The following TAS1R2 variants were observed in gnomAD, a reference collection of about 807,000 sequenced individuals.
TAS1R2 encodes the protein taste 1 receptor member 2.
Under a neutral mutation model 49.3 loss-of-function variants are expected in TAS1R2, and 47 were observed. The observed-to-expected ratio is 0.95, with a 90% CI of 0.75 to 1.22. The LOEUF (loss-of-function observed/expected upper bound fraction) is 1.22. Ranked by LOEUF, TAS1R2 falls within the 50% of genes most tolerant of loss-of-function variation. The probability of loss-of-function intolerance (pLI) is 0.00; values close to 1 mark genes in which losing one functional copy is unlikely to be tolerated. For missense variants in TAS1R2, 1,155 were observed against 1,122.1 expected (o/e 1.03, Z -0.42); for synonymous variants, 479 against 467.9 (o/e 1.02, Z -0.31).
Position 18,857,581 on chromosome 1 carries a change from G to A in TAS1R2, c.233C>T (p.Ala78Val), listed in dbSNP as rs111534973. The A allele has an allele frequency of 8.4e-5, 136 of 1,614,118 alleles. No individual in the cohort carries two copies. The highest frequency in any genetic ancestry group is 8.4e-4 in the African/African-American group (63 of 75,020). ...GCTGTCATTGTTGATCTCCTCCACC[G>A]CAAAGCGCATGGCCTGCATGAGGTT... is the stretch of plus-strand genomic sequence containing the variant. Residue 78 changes from alanine to valine, a missense_variant, in exon 2 of 6, where the codon GCG (alanine) becomes GTG (valine). Coordinates refer to ENST00000375371, the Ensembl canonical transcript of TAS1R2.
At position 18,849,415 on chromosome 1, in the gene TAS1R2, C is replaced by T. The variant is rs143077243; in HGVS notation, c.1393G>A (p.Val465Ile). 3.4e-5 allele frequency: 55 copies of T among 1,614,098 alleles called. No individual in the cohort carries two copies. Among genetic ancestry groups the T allele is most frequent in the Middle Eastern group, 3.3e-4 (2 of 6,084 alleles). Residue 465 changes from valine to isoleucine, a missense_variant, in exon 4 of 6, where the codon GTC (valine) becomes ATC (isoleucine). Transcript: ENST00000375371. ...CGCTGCAGGGGGTAGTAGGAGGCGA[C>T]GCTCTGGAAGGGATTCTGGCTCCGG...
In TAS1R2 at chr1:18,849,326, G is replaced by C. The variant is rs759805139; in HGVS notation, c.1467+15C>G. On this transcript the variant is annotated intron_variant, in intron 4 of 5. Transcript: ENST00000375371. ...CCGCCCCAGGCCTGCCCACCCACCA[G>C]GCCCCCTGGCTGACCGTGTTGTTGA... is the stretch of plus-strand genomic sequence containing the variant. 1.2e-6 allele frequency: 2 copies of C among 1,613,016 alleles called. No homozygotes were observed. The highest frequency in any genetic ancestry group is 1.7e-6 in the Non-Finnish European group (2 of 1,179,782).
chr1:18,853,198 T>C (rs922165066), intron 3 of TAS1R2, among the ~76,000 whole-genome samples: 7 of 152,208 alleles, frequency 4.6e-5, no homozygotes, highest in East Asian at 3.8e-4. Flanking sequence ...ACCTGTAGAT[T>C]ATCCTCACAG....
At chr1:18,844,512 G>A (rs1483163001) in intron 4 of TAS1R2, among the ~76,000 whole-genome samples, 2 of 152,144 alleles carry the variant, frequency 1.3e-5, no homozygotes, top group Admixed American at 1.3e-4. Flanking sequence ...AGCATTTTTT[G>A]GGAGGCCAAG....
rs1339007880 is a variant in TAS1R2 at position 18,854,275 on chromosome 1, G to T, written c.1195C>A (p.Leu399Met). 2 of 1,614,064 alleles carry T rather than the reference G, an allele frequency of 1.2e-6. No individual in the cohort carries two copies. Among genetic ancestry groups the T allele is most frequent in the African/African-American group, 2.7e-5 (2 of 74,936 alleles). Residue 399 changes from leucine (L) to methionine (M), a missense_variant, in exon 3 of 6, where the codon CTG becomes ATG. Physicochemically the swap from Leu to Met is conservative, Grantham distance 15. Transcript: ENST00000375371. The surrounding 1 kb of genome is among the most constrained non-coding windows in gnomAD (Gnocchi z 4.9). Reference sequence around the variant, plus strand: ...TTGTCACAGCCGAGGAGGCTGTGCAGGGCATGGGCCACAGCATAGACCGCA... The same window carrying T: ...TTGTCACAGCCGAGGAGGCTGTGCATGGCATGGGCCACAGCATAGACCGCA...
chr1:18,849,448 G>A lies in TAS1R2; in HGVS notation c.1360C>T (p.Gln454Ter). The stretch of plus-strand genomic sequence containing the variant: ...AAGGGATTCTGGCTCCGGTCCCATT[G>A]CCACTGGACAATCTCCAAGTGCAGA... Residue 454 changes from glutamine to a stop codon, truncating the protein, a stop_gained, in exon 4 of 6, where the codon CAA becomes TAA. Transcript: ENST00000375371. LOFTEE classifies it high-confidence loss of function. 6.2e-7 allele frequency: 1 copy of A among 1,614,270 alleles called. No homozygotes were observed. Among genetic ancestry groups the A allele is most frequent in the Non-Finnish European group, 8.5e-7 (1 of 1,180,052 alleles).
chr1:18,839,791 G>T, exon 6 of TAS1R2: 1 of 1,614,246 alleles, frequency 6.2e-7, no homozygotes. Flanking sequence ...TGAAGGTGCA[G>T]AGGGAGACGG....
At chr1:18,859,003 G>C (rs72651849) in intron 1 of TAS1R2, among the ~76,000 whole-genome samples, 26,405 of 152,176 alleles carry the variant, frequency 0.17, 2,817 homozygotes, top group Middle Eastern at 0.24. Flanking sequence ...GCCACCCCAA[G>C]GGGCTCAGGG....
intron 4 of TAS1R2, among the ~76,000 whole-genome samples, chr1:18,846,208 T>A (rs1569663345): frequency 6.6e-6 from 1 of 152,294 alleles, no homozygotes; most frequent in Admixed American, 6.5e-5. Context: ...CAGTATGAAA[T>A]GCCCATGGGA....
chr1:18,840,607 G>A, intron 5 of TAS1R2, 80 bp from the exon 6 acceptor site: 2 of 1,496,856 alleles, frequency 1.3e-6, no homozygotes, highest in Non-Finnish European at 1.8e-6. Context: ...ACAGGGCCAG[G>A]CTCCAGGGAT....
At chr1:18,849,445 A>G in exon 4 of TAS1R2, 1 of 1,614,248 alleles carries the variant, frequency 6.2e-7, no homozygotes, top group South Asian at 1.1e-5. Flanking sequence ...CTCCGGTCCC[A>G]TTGCCACTGG....
Position 18,854,438 on chromosome 1 carries a change from C to A in TAS1R2, c.1032G>T (p.Gln344His), listed in dbSNP as rs746402929. 2.5e-6 allele frequency: 4 copies of A among 1,614,158 alleles called. No homozygotes were observed. The South Asian group carries it at 4.4e-5, about 18-fold the overall frequency. Residue 344 changes from glutamine to histidine, a missense_variant, in exon 3 of 6, where the codon CAG (glutamine) becomes CAT (histidine). Coordinates refer to ENST00000375371, the Ensembl canonical transcript of TAS1R2. The surrounding 1 kb of genome is among the most constrained non-coding windows in gnomAD (Gnocchi z 4.9). ...TCCTGCTGAGGGGTGGCGGCCCAGC[C>A]TGTGGGCCCCACTCGCGGAACTCAC...
In TAS1R2 at chr1:18,840,178, A is replaced by T. The variant is rs1350087291; in HGVS notation, c.1941T>A (p.Cys647Ter). The change falls in exon 6 of 6, where the codon TGT (cysteine) becomes TGA (stop). Residue 647 changes from cysteine (C) to a stop codon, truncating the protein, a stop_gained. Transcript: ENST00000375371. LOFTEE classifies it low-confidence loss of function (END_TRUNC). ...CGATCTGGAAAGAACGCACGGCGAT[A>T]CAGGAGATGCAGATTGTGAAGCAGA... The T allele has an allele frequency of 3.7e-6, 6 of 1,614,236 alleles. No individual in the cohort carries two copies. Among genetic ancestry groups the T allele is most frequent in the African/African-American group, 1.3e-5 (1 of 75,072 alleles).
chr1:18,845,693 AAGG>A (rs1223726960), intron 4 of TAS1R2, among the ~76,000 whole-genome samples: 1 of 152,162 alleles, frequency 6.6e-6, no homozygotes, highest in Non-Finnish European at 1.5e-5. Context: ...GTGGAGTAGG[AAGG>A]AGTAGGTCTG....
chr1:18,849,424 A>C, exon 4 of TAS1R2: 2 of 1,614,246 alleles, frequency 1.2e-6, no homozygotes, highest in Non-Finnish European at 1.7e-6. Context: ...ACGCTCTGGA[A>C]GGGATTCTGG....
chr1:18,851,390 C>T (rs927032369), intron 3 of TAS1R2, among the ~76,000 whole-genome samples: 3 of 152,046 alleles, frequency 2.0e-5, no homozygotes, highest in Non-Finnish European at 2.9e-5. Flanking sequence ...TGCAGAGGTG[C>T]GATCTCAGAT....
chr1:18,849,622 A>G lies in TAS1R2; in HGVS notation c.1258-72T>C. ...AGCCAGAATTTTTCCTGGACCTGGG[A>G]AAGATTCTACCATTCCATTAGCCTT... is the stretch of plus-strand genomic sequence containing the variant. On this transcript the variant is annotated intron_variant, in intron 3 of 5. Transcript: ENST00000375371. 4 of 1,535,296 alleles carry G rather than the reference A, an allele frequency of 2.6e-6. No homozygotes were observed. In the South Asian group the frequency reaches 4.6e-5, roughly 18 times the overall value.
intron 1 of TAS1R2, among the ~76,000 whole-genome samples, chr1:18,857,882 T>G (rs1364576806): frequency 6.6e-6 from 1 of 151,814 alleles, no homozygotes; most frequent in Non-Finnish European, 1.5e-5. Flanking sequence ...CCCTATAACC[T>G]CCATCACCAC....
chr1:18,842,571 A>G (rs763041842), intron 4 of TAS1R2, among the ~76,000 whole-genome samples: 2 of 152,264 alleles, frequency 1.3e-5, no homozygotes, highest in African/African-American at 2.4e-5. Context: ...AGTTTGGGGA[A>G]TTCAAAGACA....
Sources: gnomAD v4.1 joint callset for allele counts (sites outside exome capture counted in the v4.1 genomes callset) on GRCh38, gnomAD v4.1.1 for gene constraint, Gnocchi (gnomAD v3.1) non-coding constraint, MANE v1.5 for transcripts, NCBI Gene and HGNC (gene_info 2026-07-23, HGNC 2026-07-21) for gene names.